Variants in SNX29 observed in about 807,000 individuals in gnomAD.
SNX29 encodes sorting nexin 29.
In SNX29, 78 loss-of-function variants were observed where a neutral mutation model predicts 102.1. The observed-to-expected ratio is 0.76, with a 90% CI of 0.64 to 0.92. SNX29 has a LOEUF of 0.92. SNX29 is among the 40% of genes least tolerant of loss of function. The pLI, the probability that SNX29 is intolerant of heterozygous loss-of-function variation, is 0.00. For missense variants in SNX29, 1,280 were observed against 1,061.7 expected (o/e 1.21, Z -2.86); for synonymous variants, 580 against 414.5 (o/e 1.40, Z -4.85).
intron 15 of SNX29, among the ~76,000 whole-genome samples, chr16:12,338,475 C>A (rs1225003297): frequency 1.3e-5 from 2 of 152,184 alleles, no homozygotes; most frequent in African/African-American, 4.8e-5. Context: ...CACCGTGCAT[C>A]AGGCGTTGTG....
chr16:12,497,244 C>A (rs2088875450), intron 19 of SNX29, among the ~76,000 whole-genome samples: 1 of 152,354 alleles, frequency 6.6e-6, no homozygotes. Context: ...CGAAAAGCTT[C>A]ATTAATTTCT....
At position 12,573,602 on chromosome 16, in the gene SNX29, T is replaced by A. The variant is rs779045719; in HGVS notation, c.*4973T>A. On this transcript the variant is annotated 3_prime_UTR_variant, in exon 21 of 21. Transcript: ENST00000566228. ...GCTTCCCCCACTTCCCCTCAAATTTTCTCAGCTCTGCCGCTGGTCTCCATG... is the reference window on the plus strand; with the variant it reads ...GCTTCCCCCACTTCCCCTCAAATTTACTCAGCTCTGCCGCTGGTCTCCATG... The A allele has an allele frequency of 4.5e-6, 1 of 221,700 alleles. No homozygotes were observed. The highest frequency in any genetic ancestry group is 2.2e-5 in the African/African-American group (1 of 44,720). The allele number at this position is 221,700 out of a possible 1,614,324, so 13.7% of individuals were successfully genotyped here.
At chr16:12,251,462 G>T (rs374807311) in intron 14 of SNX29, among the ~76,000 whole-genome samples, 2 of 152,148 alleles carry the variant, frequency 1.3e-5, no homozygotes, top group South Asian at 2.1e-4. Flanking sequence ...CAACACTTTG[G>T]GGGGCCAAGG....
intron 11 of SNX29, among the ~76,000 whole-genome samples, chr16:12,113,891 A>G (rs927696183): frequency 2.0e-5 from 3 of 152,218 alleles, no homozygotes; most frequent in Admixed American, 6.5e-5. Flanking sequence ...ATTCCTGATG[A>G]ATCACAGCAT....
intron 14 of SNX29, among the ~76,000 whole-genome samples, chr16:12,267,090 G>A (rs1049977493): frequency 6.6e-6 from 1 of 152,126 alleles, no homozygotes; most frequent in Admixed American, 6.5e-5. Context: ...GTGTTTCCTT[G>A]GCTTGGGTAT....
intron 20 of SNX29, among the ~76,000 whole-genome samples, chr16:12,525,341 AAAATT>A (rs1252111844): frequency 2.7e-4 from 41 of 152,140 alleles, no homozygotes; most frequent in Non-Finnish European, 2.9e-5. Flanking sequence ...AAAAAAAAAA[AAAATT>A]AAAAGAGTTT....
At chr16:12,191,643 A>G (rs1217213918) in intron 13 of SNX29, among the ~76,000 whole-genome samples, 1 of 152,260 alleles carries the variant, frequency 6.6e-6, no homozygotes. Flanking sequence ...CTGATGCCTT[A>G]GAAAAGGTGG....
intron 3 of SNX29, among the ~76,000 whole-genome samples, chr16:12,021,062 A>G (rs1050546576): frequency 2.6e-5 from 4 of 152,224 alleles, no homozygotes; most frequent in Non-Finnish European, 5.9e-5. Flanking sequence ...AATTTTACAA[A>G]TGACGATAAT....
At chr16:11,996,575 GA>G (rs1356021972) in intron 1 of SNX29, among the ~76,000 whole-genome samples, 1 of 151,992 alleles carries the variant, frequency 6.6e-6, no homozygotes, top group Non-Finnish European at 1.5e-5. Flanking sequence ...TTTATGATGA[GA>G]AAAAAATAGC....
At chr16:12,032,682 A>T (rs1403676325) in intron 4 of SNX29, among the ~76,000 whole-genome samples, 1 of 151,998 alleles carries the variant, frequency 6.6e-6, no homozygotes, top group Non-Finnish European at 1.5e-5. Context: ...TTTGGGGCAT[A>T]CACCCAGAAG....
At chr16:12,559,168 A>G (rs1433506575) in intron 20 of SNX29, among the ~76,000 whole-genome samples, 2 of 152,062 alleles carry the variant, frequency 1.3e-5, no homozygotes, top group Admixed American at 6.6e-5. Context: ...ACCAGTCCAT[A>G]GCCTGTTAGG....
At chr16:12,404,200 C>G (rs557178493) in intron 18 of SNX29, among the ~76,000 whole-genome samples, 1 of 152,330 alleles carries the variant, frequency 6.6e-6, no homozygotes, top group South Asian at 2.1e-4. Flanking sequence ...GGATACTGGA[C>G]AAGCGGGACC....
At chr16:12,199,815 G>A (rs1026873714) in intron 14 of SNX29, 132 bp downstream of exon 14, 14 of 733,614 alleles carry the variant, frequency 1.9e-5, no homozygotes, top group South Asian at 7.8e-5. Flanking sequence ...GCTGCTCAGC[G>A]TTCCAGAAAA....
intron 20 of SNX29, among the ~76,000 whole-genome samples, chr16:12,534,747 A>G (rs1399584047): frequency 6.6e-6 from 1 of 152,210 alleles, no homozygotes; most frequent in Non-Finnish European, 1.5e-5. Context: ...TACTAAACCC[A>G]AGTGGCTTTC....
At chr16:12,500,733 A>C (rs2089079067) in intron 19 of SNX29, among the ~76,000 whole-genome samples, 1 of 152,212 alleles carries the variant, frequency 6.6e-6, no homozygotes, top group South Asian at 2.1e-4. Flanking sequence ...TTCAGGCCCC[A>C]TCCCAGACCT....
intron 20 of SNX29, among the ~76,000 whole-genome samples, chr16:12,552,807 G>T (rs1597963457): frequency 6.6e-6 from 1 of 152,196 alleles, no homozygotes; most frequent in Non-Finnish European, 1.5e-5. Flanking sequence ...CTGGAGGAGA[G>T]AACAGCCAAC....
chr16:12,291,825 G>T (rs2079806539), intron 15 of SNX29, among the ~76,000 whole-genome samples: 1 of 152,180 alleles, frequency 6.6e-6, no homozygotes, highest in African/African-American at 2.4e-5. Flanking sequence ...GGATGCCATG[G>T]TGGCAGAAAA....
chr16:12,148,095 C>A lies in SNX29; in HGVS notation c.1595+18337C>A, dbSNP rs190538468. 2.0e-5 allele frequency among the ~76,000 whole-genome samples: 3 copies of A among 152,304 alleles called. No individual in the cohort carries two copies. The East Asian group carries it at 5.8e-4, about 29-fold the overall frequency. On this transcript the variant is annotated intron_variant, in intron 13 of 20. Transcript: ENST00000566228. ...ACCTGCTGCTGCTCAGCTCCAGCCA[C>A]CAAGTAGCCATCATGAAAATGTTTT...
intron 19 of SNX29, among the ~76,000 whole-genome samples, chr16:12,506,773 G>A (rs941862844): frequency 6.6e-6 from 1 of 152,160 alleles, no homozygotes; most frequent in African/African-American, 2.4e-5. Flanking sequence ...TGAGGAGGTG[G>A]AATCTGTCTG....
Sources: allele counts gnomAD v4.1 joint callset (sites outside exome capture counted in the v4.1 genomes callset), GRCh38; gene constraint gnomAD v4.1.1; transcripts MANE v1.5; gene names NCBI Gene and HGNC (gene_info 2026-07-23, HGNC 2026-07-21).